Variants in SNRNP27 observed in about 807,000 individuals in gnomAD.
SNRNP27 encodes U4/U6.U5 small nuclear ribonucleoprotein 27 kDa protein.
Under a neutral mutation model 25.1 loss-of-function variants are expected in SNRNP27, and 22 were observed. That is an observed-to-expected ratio of 0.88 (90% CI 0.63 to 1.25). The LOEUF (loss-of-function observed/expected upper bound fraction) is 1.25. Ranked by LOEUF, SNRNP27 falls within the 50% of genes most tolerant of loss-of-function variation. The pLI is 0.00. For synonymous variants in SNRNP27, 66 were observed against 64.9 expected (o/e 1.02, Z -0.08); for missense variants, 150 against 202.3 (o/e 0.74, Z 1.57).
rs1676604337 is a variant in SNRNP27, at chr2:69,896,538, G to A, written c.258G>A (p.Arg86=). ...KETKETKSKE[R]QITEEDLEGK... is the part of the protein sequence containing the mutation. ...CAAAAGAAACAAAGAGCAAAGAACGGCAGATTACTGGTAATGTTATTAGAT... is the reference window on the plus strand; with the variant it reads ...CAAAAGAAACAAAGAGCAAAGAACGACAGATTACTGGTAATGTTATTAGAT... The change falls in exon 3 of 6, where the codon CGG becomes CGA. Residue 86 remains arginine, a synonymous_variant. Transcript: ENST00000244227. The A allele has an allele frequency of 4.4e-6, 7 of 1,601,580 alleles. No homozygotes were observed. The highest frequency in any genetic ancestry group is 5.1e-6 in the Non-Finnish European group (6 of 1,172,006).
intron 4 of SNRNP27, 177 bp downstream of exon 4, chr2:69,897,633 T>A (rs1013135025): frequency 3.8e-5 from 22 of 585,424 alleles, no homozygotes; most frequent in Non-Finnish European, 6.2e-5. Context: ...CAGGGAGTGG[T>A]TGCCAGGGAC....
At chr2:69,899,095 C>G (rs1676649627) in intron 4 of SNRNP27, among the ~76,000 whole-genome samples, 1 of 152,042 alleles carries the variant, frequency 6.6e-6, no homozygotes. Context: ...AGGGTGGTGC[C>G]ACCCATCACT....
At chr2:69,895,957 A>T (rs1676592337) in intron 2 of SNRNP27, among the ~76,000 whole-genome samples, 1 of 143,768 alleles carries the variant, frequency 7.0e-6, no homozygotes, top group African/African-American at 2.7e-5. Flanking sequence ...ATGGGCTCTG[A>T]GTCTTTTTTT....
intron 4 of SNRNP27, among the ~76,000 whole-genome samples, chr2:69,899,129 G>A (rs1406203429): frequency 6.6e-6 from 1 of 152,152 alleles, no homozygotes; most frequent in East Asian, 1.9e-4. Flanking sequence ...TGAAGAAGAT[G>A]TTTGCTTATA....
rs180977693 is a variant in SNRNP27 at position 69,899,833 on chromosome 2, A to G, written c.348+2377A>G. On this transcript the variant is annotated intron_variant, in intron 4 of 5. Coordinates refer to ENST00000244227, the MANE Select transcript of SNRNP27 (RefSeq NM_006857.3). ...CAGCCTGACCTCCTGGGCTGAAGCA[A>G]TTTCCCTGCCTTAGCCTCTGGAGTA... Among the ~76,000 whole-genome samples, 122 of 152,216 alleles carry G rather than the reference A, an allele frequency of 8.0e-4. 2 individuals are homozygous for G. The highest frequency in any genetic ancestry group is 8.0e-3 in the Admixed American group (122 of 15,290).
At chr2:69,899,454 G>A (rs1355855023) in intron 4 of SNRNP27, among the ~76,000 whole-genome samples, 2 of 151,862 alleles carry the variant, frequency 1.3e-5, no homozygotes, top group African/African-American at 4.8e-5. Context: ...TTTCGAGACA[G>A]AGTCTCGCTC....
chr2:69,898,812 T>C (rs1382802571), intron 4 of SNRNP27, among the ~76,000 whole-genome samples: 4 of 152,218 alleles, frequency 2.6e-5, no homozygotes, highest in Non-Finnish European at 5.9e-5. Context: ...ATTTATCAGC[T>C]TTTTTCCCTT....
At chr2:69,903,906 G>A (rs1676751526) in intron 5 of SNRNP27, among the ~76,000 whole-genome samples, 2 of 152,188 alleles carry the variant, frequency 1.3e-5, no homozygotes, top group South Asian at 4.1e-4. Flanking sequence ...TGCTCAATGG[G>A]TGCCTGTTTT....
chr2:69,894,151 A>C, intron 1 of SNRNP27, 133 bp downstream of exon 1: 2 of 777,626 alleles, frequency 2.6e-6, no homozygotes, highest in South Asian at 3.4e-5. Context: ...CGAGGGGTGG[A>C]TAAAGGAACG....
At chr2:69,894,147 G>A (rs1676556514) in intron 1 of SNRNP27, 129 bp downstream of exon 1, 4 of 795,652 alleles carry the variant, frequency 5.0e-6, no homozygotes, top group East Asian at 5.4e-5. Context: ...AGAGCGAGGG[G>A]TGGATAAAGG....
rs1186034305 is a variant in SNRNP27 at position 69,895,203 on chromosome 2, A to G, written c.144A>G (p.Arg48=). Residue 48 remains arginine, a synonymous_variant, in exon 2 of 6, where the codon CGA becomes CGG. Transcript: ENST00000244227. ...GGAGCCGCTCGCGATCCCCGCACCG[A>G]AGACGCTCCCGGTAAGGGCAGAAAA... The part of the protein sequence containing the change: ...RRRSRSRSPH[R]RRSRSPRRHR... 5.0e-6 allele frequency: 8 copies of G among 1,613,822 alleles called. No individual in the cohort carries two copies. The East Asian group carries it at 1.8e-4, about 36-fold the overall frequency.
chr2:69,902,303 TTCC>T (rs764263884), intron 4 of SNRNP27, among the ~76,000 whole-genome samples: 26 of 150,636 alleles, frequency 1.7e-4, no homozygotes, highest in African/African-American at 4.4e-4. Context: ...CTCCTCCTTC[TTCC>T]TCCTCCTCCT....
chr2:69,897,362 T>A lies in SNRNP27; in HGVS notation c.269-15T>A, dbSNP rs1350326281. On this transcript the variant is annotated splice_polypyrimidine_tract_variant and intron_variant, in intron 3 of 5. Transcript: ENST00000244227. ...TGAAATGATAGAGAGGTCACAAAAT[T>A]ATTCTTTTTTGCAGAGGAAGACTTA... The A allele has an allele frequency of 6.3e-7, 1 of 1,584,986 alleles. No individual in the cohort carries two copies. Among genetic ancestry groups the A allele is most frequent in the South Asian group, 1.1e-5 (1 of 89,986 alleles).
chr2:69,896,309 C>A, intron 2 of SNRNP27, 127 bp from the exon 3 acceptor site: 2 of 873,604 alleles, frequency 2.3e-6, no homozygotes, highest in Non-Finnish European at 1.7e-6. Context: ...TTGGCAGAAC[C>A]TTTTTCCTCA....
rs1676576169 is a variant in SNRNP27 at position 69,895,096 on chromosome 2, C to T, written c.37C>T (p.Arg13Cys). 2 of 1,612,958 alleles carry T rather than the reference C, an allele frequency of 1.2e-6. No homozygotes were observed. The highest frequency in any genetic ancestry group is 1.7e-6 in the Non-Finnish European group (2 of 1,179,842). ...CAATTTGTGTGCGTTTGCATTAGAA[C>T]GTAGGCGTTCCCGGTCCACATCCCG... ...RSRSRSPRRE[R>C]RRSRSTSRER... Residue 13 changes from arginine (R) to cysteine (C), a missense_variant and splice_region_variant, in exon 2 of 6, where the codon CGT becomes TGT. By Grantham distance (180) the Arg-to-Cys change is radical. Coordinates refer to ENST00000244227, the MANE Select transcript of SNRNP27 (RefSeq NM_006857.3).
intron 5 of SNRNP27, among the ~76,000 whole-genome samples, 181 bp from the exon 6 acceptor site, chr2:69,904,073 T>C (rs1450493829): frequency 6.6e-6 from 1 of 152,144 alleles, no homozygotes. Flanking sequence ...CTGAAAGTCT[T>C]TGGTTTATTT....
chr2:69,894,520 T>C (rs1204913067), intron 1 of SNRNP27, among the ~76,000 whole-genome samples: 4 of 152,094 alleles, frequency 2.6e-5, no homozygotes, highest in African/African-American at 9.7e-5. Flanking sequence ...TACAGGGAAA[T>C]CGATATTAAG....
intron 4 of SNRNP27, among the ~76,000 whole-genome samples, chr2:69,902,208 TTCCTCC>T (rs1676710752): frequency 6.6e-6 from 1 of 150,500 alleles, no homozygotes; most frequent in Admixed American, 6.6e-5. Flanking sequence ...TCCTTCCTCC[TTCCTCC>T]TCCCTCCTTC....
chr2:69,896,601 T>C (rs1676606118), intron 3 of SNRNP27, 53 bp downstream of exon 3: 30 of 1,465,534 alleles, frequency 2.0e-5, no homozygotes, highest in Non-Finnish European at 2.7e-5. Flanking sequence ...GATAAAATTA[T>C]AAAAGTTTAA....
Sources: allele counts gnomAD v4.1 joint callset (sites outside exome capture counted in the v4.1 genomes callset), GRCh38; gene constraint gnomAD v4.1.1; transcripts MANE v1.5; gene names NCBI Gene and HGNC (gene_info 2026-07-23, HGNC 2026-07-21).